The following RBFOX1 variants were observed in gnomAD, a reference collection of about 807,000 sequenced individuals.
RBFOX1 encodes RNA binding fox-1 homolog 1.
In RBFOX1, 8 loss-of-function variants were observed where a neutral mutation model predicts 57.7. The ratio of observed to expected loss-of-function variants is 0.14; its 90% CI spans 0.08 to 0.25. RBFOX1 has a LOEUF of 0.25. Among genes scored for constraint, RBFOX1 ranks in the 10% least tolerant of loss-of-function variants. RBFOX1 has a pLI of 1.00. For missense variants in RBFOX1, 611 were observed against 548.5 expected (o/e 1.11, Z -1.14); for synonymous variants, 326 against 222.4 (o/e 1.47, Z -4.15).
intron 3 of RBFOX1, among the ~76,000 whole-genome samples, chr16:5,669,197 C>T (rs573229678): frequency 5.7e-4 from 86 of 152,146 alleles, no homozygotes; most frequent in African/African-American, 2.0e-3. Flanking sequence ...AATGATGCCT[C>T]GAGGCATCTG....
intron 1 of RBFOX1, among the ~76,000 whole-genome samples, chr16:6,124,049 G>C (rs1410786088): frequency 6.6e-6 from 1 of 152,226 alleles, no homozygotes; most frequent in Admixed American, 6.5e-5. Context: ...GTTTCTAGCT[G>C]CCCTCGAGTG....
At chr16:5,529,422 G>A (rs1168491323) in intron 2 of RBFOX1, among the ~76,000 whole-genome samples, 2 of 148,010 alleles carry the variant, frequency 1.4e-5, no homozygotes, top group African/African-American at 5.0e-5. Flanking sequence ...TTTGAGACAG[G>A]GTCTCCCTTT....
intron 1 of RBFOX1, among the ~76,000 whole-genome samples, chr16:6,162,785 C>G (rs1035015353): frequency 1.3e-5 from 2 of 152,140 alleles, no homozygotes; most frequent in Admixed American, 6.5e-5. Context: ...CCAGGCTAAA[C>G]TGTAGTGACA....
chr16:5,373,982 A>G (rs2065923232), intron 1 of RBFOX1, among the ~76,000 whole-genome samples: 2 of 152,114 alleles, frequency 1.3e-5, no homozygotes, highest in Admixed American at 6.5e-5. Flanking sequence ...CAATGGTGCG[A>G]TCTCGGCTCA....
chr16:7,361,174 C>G (rs2097312701), intron 4 of RBFOX1, among the ~76,000 whole-genome samples: 1 of 152,142 alleles, frequency 6.6e-6, no homozygotes, highest in Admixed American at 6.5e-5. Context: ...TGCTCCTAAC[C>G]TGGGTATGAA....
chr16:5,530,931 T>TAA (rs2044443319), intron 2 of RBFOX1, among the ~76,000 whole-genome samples: 2 of 88,120 alleles, frequency 2.3e-5, no homozygotes, highest in African/African-American at 3.4e-5. Context: ...CTACTAAAAA[T>TAA]ATAAAAAAAA....
chr16:5,505,141 T>A (rs1158249089), intron 2 of RBFOX1, among the ~76,000 whole-genome samples: 1 of 152,204 alleles, frequency 6.6e-6, no homozygotes, highest in South Asian at 2.1e-4. Flanking sequence ...AGTAAAGCTG[T>A]TATTAAAGCA....
chr16:6,270,752 C>G (rs886111059), intron 1 of RBFOX1, among the ~76,000 whole-genome samples: 4 of 152,106 alleles, frequency 2.6e-5, no homozygotes, highest in African/African-American at 9.7e-5. Context: ...AGAACACTCC[C>G]AATGACAGCA....
At chr16:5,239,814 C>T (rs887952576), upstream of RBFOX1, 72 of 860,062 alleles carry the variant, frequency 8.4e-5, no homozygotes, top group African/African-American at 1.1e-3. Context: ...CGCTCAGACG[C>T]CCCAGCTCCG....
At chr16:7,662,688 A>G (rs1048378331) in intron 12 of RBFOX1, among the ~76,000 whole-genome samples, 1 of 152,216 alleles carries the variant, frequency 6.6e-6, no homozygotes, top group Non-Finnish European at 1.5e-5. Flanking sequence ...GCTGGTGTTC[A>G]TAATGGGAAA....
chr16:6,334,569 A>T (rs1034635287), intron 2 of RBFOX1, among the ~76,000 whole-genome samples: 2 of 152,062 alleles, frequency 1.3e-5, no homozygotes, highest in Non-Finnish European at 1.5e-5. Flanking sequence ...GAGAAATAAG[A>T]TTCAATATCC....
intron 3 of RBFOX1, among the ~76,000 whole-genome samples, chr16:5,615,687 T>G (rs61676525): frequency 0.017 from 2,583 of 152,304 alleles, 57 homozygotes; most frequent in African/African-American, 0.057. Flanking sequence ...CGTTTCTATG[T>G]GTCAAGAAGG....
intron 1 of RBFOX1, among the ~76,000 whole-genome samples, chr16:5,374,695 ATG>A (rs2065942063): frequency 6.6e-6 from 1 of 150,468 alleles, no homozygotes; most frequent in African/African-American, 2.5e-5. Flanking sequence ...GTTTTAGAAG[ATG>A]TGATTTATCT....
chr16:7,506,058 A>G (rs2073162418), intron 4 of RBFOX1, among the ~76,000 whole-genome samples: 2 of 151,726 alleles, frequency 1.3e-5, no homozygotes. Context: ...GGTGACGGGT[A>G]CCTGTAGTCC....
chr16:7,452,082 G>C (rs1389031030), intron 4 of RBFOX1, among the ~76,000 whole-genome samples: 1 of 152,208 alleles, frequency 6.6e-6, no homozygotes. Context: ...ACTAAGGAAT[G>C]AGAAGCAATG....
At chr16:7,495,071 C>T (rs796588079) in intron 4 of RBFOX1, among the ~76,000 whole-genome samples, 37 of 152,178 alleles carry the variant, frequency 2.4e-4, no homozygotes, top group African/African-American at 8.4e-4. Flanking sequence ...ACATGTGATA[C>T]TCGTTTTCTG....
At chr16:7,362,563 G>A (rs1208991470) in intron 4 of RBFOX1, among the ~76,000 whole-genome samples, 1 of 151,158 alleles carries the variant, frequency 6.6e-6, no homozygotes, top group African/African-American at 2.4e-5. Context: ...TGGATGTTTT[G>A]TTTGCATGTT....
At chr16:7,423,050 G>A (rs573349801) in intron 4 of RBFOX1, 3 of 150,396 alleles carry the variant, frequency 2.0e-5, no homozygotes, top group Admixed American at 1.3e-4. Flanking sequence ...TCTTCCCTTC[G>A]GGGATTCTGT....
At chr16:5,397,913 A>G (rs908051530) in intron 1 of RBFOX1, among the ~76,000 whole-genome samples, 3 of 152,232 alleles carry the variant, frequency 2.0e-5, no homozygotes, top group African/African-American at 7.2e-5. Flanking sequence ...AATTATGGTA[A>G]CACTATGTGC....
Sources: gnomAD v4.1 joint callset for allele counts (sites outside exome capture counted in the v4.1 genomes callset) on GRCh38, gnomAD v4.1.1 for gene constraint, MANE v1.5 for transcripts, NCBI Gene and HGNC (gene_info 2026-07-23, HGNC 2026-07-21) for gene names.